The following RPS6KC1 variants were observed in gnomAD, a reference collection of about 807,000 sequenced individuals.
The protein encoded by RPS6KC1 is ribosomal protein S6 kinase C1, also known as inactive ribosomal protein S6 kinase delta-1.
In RPS6KC1, 54 loss-of-function variants were observed where a neutral mutation model predicts 103.8. The observed-to-expected ratio is 0.52, with a 90% CI of 0.42 to 0.65. The LOEUF (loss-of-function observed/expected upper bound fraction) is 0.65, where lower values mean the gene tolerates loss of function less well. RPS6KC1 is among the 30% of genes least tolerant of loss of function. The pLI is 0.00. For synonymous variants in RPS6KC1, 439 were observed against 438.7 expected (o/e 1.00, Z -0.01); for missense variants, 1,151 against 1,253.8 (o/e 0.92, Z 1.24).
intron 2 of RPS6KC1, among the ~76,000 whole-genome samples, chr1:213,074,994 G>A (rs982367498): frequency 1.8e-4 from 27 of 151,664 alleles, no homozygotes; most frequent in Admixed American, 1.3e-4. Context: ...TGGGACTTCA[G>A]GCACCCACCA....
the RPS6KC1 span, among the ~76,000 whole-genome samples, chr1:213,595,943 A>G: frequency 6.6e-6 from 1 of 152,120 alleles, no homozygotes; most frequent in Non-Finnish European, 1.5e-5. Context: ...ATTTTGTTAT[A>G]TTGGGGATTT....
At chr1:213,565,653 A>G in the RPS6KC1 span, among the ~76,000 whole-genome samples, 1 of 152,334 alleles carries the variant, frequency 6.6e-6, no homozygotes, top group Non-Finnish European at 1.5e-5. Flanking sequence ...TCTGTGGATG[A>G]TGGTACTATT....
At chr1:213,519,888 A>G in the RPS6KC1 span, among the ~76,000 whole-genome samples, 1 of 152,190 alleles carries the variant, frequency 6.6e-6, no homozygotes, top group Non-Finnish European at 1.5e-5. Context: ...TGGGATCTCA[A>G]ATGAACTCCA....
At chr1:213,280,498 G>A in the RPS6KC1 span, among the ~76,000 whole-genome samples, 831 of 152,292 alleles carry the variant, frequency 5.5e-3, 7 homozygotes, top group Middle Eastern at 0.02. Flanking sequence ...AACCAAGTTT[G>A]GGAAAGATAC....
At chr1:213,750,061 A>G in the RPS6KC1 span, among the ~76,000 whole-genome samples, 1 of 152,210 alleles carries the variant, frequency 6.6e-6, no homozygotes, top group African/African-American at 2.4e-5. Flanking sequence ...GTCATAGTCA[A>G]TATTTTGTAA....
chr1:213,165,095 T>C (rs1226639942), intron 6 of RPS6KC1, among the ~76,000 whole-genome samples: 2 of 152,196 alleles, frequency 1.3e-5, no homozygotes, highest in Non-Finnish European at 2.9e-5. Flanking sequence ...TCTTTTTTTT[T>C]TTCTGGTACT....
At chr1:213,769,274 GA>G in the RPS6KC1 span, among the ~76,000 whole-genome samples, 1 of 152,132 alleles carries the variant, frequency 6.6e-6, no homozygotes, top group African/African-American at 2.4e-5. Context: ...AAATTTAGTG[GA>G]GATGAAAATC....
At chr1:213,811,246 T>G in the RPS6KC1 span, among the ~76,000 whole-genome samples, 8 of 152,248 alleles carry the variant, frequency 5.3e-5, no homozygotes, top group Non-Finnish European at 1.2e-4. Context: ...TCAACATCTG[T>G]ATCTGCTCTG....
At chr1:213,291,154 G>A in the RPS6KC1 span, among the ~76,000 whole-genome samples, 2 of 152,142 alleles carry the variant, frequency 1.3e-5, no homozygotes, top group African/African-American at 2.4e-5. Context: ...AAGGTACTCC[G>A]GCAACTAAAA....
At chr1:213,700,009 C>G in the RPS6KC1 span, among the ~76,000 whole-genome samples, 112 of 151,974 alleles carry the variant, frequency 7.4e-4, no homozygotes, top group Non-Finnish European at 1.3e-3. Context: ...TGTCTTTTCA[C>G]TTTGTTGATT....
chr1:213,714,572 A>G, the RPS6KC1 span, among the ~76,000 whole-genome samples: 113 of 152,322 alleles, frequency 7.4e-4, no homozygotes, highest in East Asian at 0.019. Context: ...CGTGCAGGGC[A>G]TCACATATTG....
intron 4 of RPS6KC1, among the ~76,000 whole-genome samples, chr1:213,112,555 TTTTA>T (rs901238415): frequency 2.6e-5 from 4 of 151,462 alleles, no homozygotes; most frequent in Admixed American, 6.6e-5. Context: ...TTTTTTTTAT[TTTTA>T]TTTATTTATT....
intron 10 of RPS6KC1, among the ~76,000 whole-genome samples, chr1:213,234,217 C>T (rs2094173001): frequency 1.3e-5 from 2 of 151,968 alleles, no homozygotes; most frequent in African/African-American, 2.4e-5. Context: ...CTCTATGTTG[C>T]CCAAATTGGT....
At chr1:213,529,232 C>T in the RPS6KC1 span, among the ~76,000 whole-genome samples, 12 of 151,916 alleles carry the variant, frequency 7.9e-5, no homozygotes, top group South Asian at 2.1e-4. Flanking sequence ...GGGGGGATCA[C>T]GGGAGAGCTA....
At chr1:213,674,796 C>T in the RPS6KC1 span, among the ~76,000 whole-genome samples, 2 of 152,158 alleles carry the variant, frequency 1.3e-5, no homozygotes, top group Admixed American at 1.3e-4. Flanking sequence ...CCAGCATCTG[C>T]TTTATCTTTT....
chr1:213,250,423 A>G (rs753634100), intron 12 of RPS6KC1, among the ~76,000 whole-genome samples: 10 of 152,206 alleles, frequency 6.6e-5, no homozygotes, highest in African/African-American at 1.2e-4. Context: ...ATGCTGGAGG[A>G]CTTTATGGAA....
rs1337690471 is a variant in RPS6KC1 at position 213,051,350 on chromosome 1, C to T, written c.-55C>T. 15 of 1,421,502 alleles carry T rather than the reference C, an allele frequency of 1.1e-5. No homozygotes were observed. The highest frequency in any genetic ancestry group is 3.4e-5 in the Admixed American group (2 of 58,780). The allele number at this position is 1,421,502 out of a possible 1,614,324, so 88.1% of individuals were successfully genotyped here. On this transcript the variant is annotated 5_prime_UTR_variant, in exon 1 of 15. Coordinates refer to ENST00000366960, the MANE Select transcript of RPS6KC1 (RefSeq NM_012424.6). ...TGGGGAACCTGGACCGCGGCGGCGC[C>T]GGGTTTCCCTCATGATCCCGGGCGG...
At chr1:213,567,340 G>A in the RPS6KC1 span, among the ~76,000 whole-genome samples, 1 of 152,132 alleles carries the variant, frequency 6.6e-6, no homozygotes. Flanking sequence ...GGGGAAATGG[G>A]ATGTGCATTT....
chr1:213,487,988 A>G, the RPS6KC1 span, among the ~76,000 whole-genome samples: 1 of 152,084 alleles, frequency 6.6e-6, no homozygotes, highest in Non-Finnish European at 1.5e-5. Context: ...ATTACATTCT[A>G]TTAATCCTTA....
Sources: allele counts gnomAD v4.1 joint callset (sites outside exome capture counted in the v4.1 genomes callset), GRCh38; gene constraint gnomAD v4.1.1; transcripts MANE v1.5; gene names NCBI Gene and HGNC (gene_info 2026-07-23, HGNC 2026-07-21).